The following XIRP2 variants were observed in gnomAD, a reference collection of about 807,000 sequenced individuals.
XIRP2 encodes xin actin-binding repeat-containing protein 2.
Under a neutral mutation model 277.0 loss-of-function variants are expected in XIRP2, and 236 were observed. The ratio of observed to expected loss-of-function variants is 0.85; its 90% CI spans 0.77 to 0.95. The LOEUF is 0.95. XIRP2 is among the 40% of genes least tolerant of loss of function. The probability of loss-of-function intolerance (pLI) is 0.00; values close to 1 mark genes in which losing one functional copy is unlikely to be tolerated. For missense variants in XIRP2, 4,640 were observed against 4,157.5 expected (o/e 1.12, Z -3.19); for synonymous variants, 1,490 against 1,416.5 (o/e 1.05, Z -1.17).
At chr2:166,925,219 G>A (rs1481379155) in intron 2 of XIRP2, among the ~76,000 whole-genome samples, 2 of 151,946 alleles carry the variant, frequency 1.3e-5, no homozygotes, top group Admixed American at 1.3e-4. Context: ...TAGTCATTTA[G>A]CTCTTAGTAT....
chr2:167,047,742 G>T (rs1012028126), intron 2 of XIRP2, among the ~76,000 whole-genome samples: 8 of 151,770 alleles, frequency 5.3e-5, no homozygotes, highest in Non-Finnish European at 1.2e-4. Flanking sequence ...CATTTATTTT[G>T]ATTTCTTTAT....
chr2:166,926,809 G>C (rs2105363953), intron 2 of XIRP2, among the ~76,000 whole-genome samples: 1 of 152,216 alleles, frequency 6.6e-6, no homozygotes, highest in Non-Finnish European at 1.5e-5. Context: ...TGTTTTTCAT[G>C]CTTAGAACAC....
At position 167,249,468 on chromosome 2, in the gene XIRP2, T is replaced by C; in HGVS notation, c.8076T>C (p.Tyr2692=). The C allele has an allele frequency of 6.2e-7, 1 of 1,613,812 alleles. No individual in the cohort carries two copies. The highest frequency in any genetic ancestry group is 8.5e-7 in the Non-Finnish European group (1 of 1,179,828). Reference sequence around the variant, plus strand: ...CCCAACAAACACAACAGAAGAAGTATTTGGAGCAGTTGCACTTGCCCCAAA... The same window carrying C: ...CCCAACAAACACAACAGAAGAAGTACTTGGAGCAGTTGCACTTGCCCCAAA... The part of the protein sequence containing the change: ...CSTQQTQQKK[Y]LEQLHLPQSK... Residue 2692 remains tyrosine (Y), a synonymous_variant, in exon 9 of 11, where the codon TAT becomes TAC. Transcript: ENST00000409195.
intron 2 of XIRP2, among the ~76,000 whole-genome samples, chr2:167,003,575 G>A (rs531602414): frequency 1.3e-5 from 2 of 151,960 alleles, no homozygotes; most frequent in South Asian, 4.1e-4. Flanking sequence ...TTAGGGAACA[G>A]CATGTAACTC....
intron 3 of XIRP2, among the ~76,000 whole-genome samples, chr2:167,168,053 C>G (rs76969319): frequency 0.012 from 1,876 of 152,238 alleles, 45 homozygotes; most frequent in African/African-American, 0.043. Flanking sequence ...TCACTTCACT[C>G]TCTTCTTGCT....
At chr2:167,073,360 T>G (rs1385349493) in intron 2 of XIRP2, among the ~76,000 whole-genome samples, 1 of 152,180 alleles carries the variant, frequency 6.6e-6, no homozygotes, top group East Asian at 1.9e-4. Context: ...ATGACTTGTT[T>G]TGTACTTTTT....
intron 2 of XIRP2, among the ~76,000 whole-genome samples, chr2:167,087,641 G>C (rs536022887): frequency 6.6e-6 from 1 of 152,210 alleles, no homozygotes; most frequent in Non-Finnish European, 1.5e-5. Flanking sequence ...ATATAATCTC[G>C]TGGTGTGCCG....
At chr2:167,117,397 G>T (rs1212917230) in intron 2 of XIRP2, among the ~76,000 whole-genome samples, 1 of 152,022 alleles carries the variant, frequency 6.6e-6, no homozygotes, top group East Asian at 1.9e-4. Flanking sequence ...TCCATTTAAA[G>T]GTGACTCAAA....
chr2:166,948,002 C>T (rs918720453), intron 2 of XIRP2, among the ~76,000 whole-genome samples: 1 of 152,064 alleles, frequency 6.6e-6, no homozygotes, highest in African/African-American at 2.4e-5. Context: ...GTGTGACATT[C>T]TGGAAAGAGC....
Position 167,250,066 on chromosome 2 carries a change from A to G in XIRP2, c.8674A>G (p.Ser2892Gly), listed in dbSNP as rs1450413490. Reference sequence around the variant, plus strand: ...TAAAAAATTGCCCCAGCCATATAATAGTCTGCAGGAAGAAAAATGTCTCGA... The same window carrying G: ...TAAAAAATTGCCCCAGCCATATAATGGTCTGCAGGAAGAAAAATGTCTCGA... ...EHKKLPQPYN[S>G]LQEEKCLEVK... The change falls in exon 9 of 11, where the codon AGT (serine) becomes GGT (glycine). Residue 2892 changes from serine to glycine, a missense_variant. Physicochemically the swap from Ser to Gly is moderately conservative, Grantham distance 56. Coordinates refer to ENST00000409195, the MANE Select transcript of XIRP2 (RefSeq NM_152381.6). 6.2e-7 allele frequency: 1 copy of G among 1,613,656 alleles called. No individual in the cohort carries two copies. Among genetic ancestry groups the G allele is most frequent in the Admixed American group, 1.7e-5 (1 of 59,970 alleles).
chr2:167,249,601 G>C lies in XIRP2; in HGVS notation c.8209G>C (p.Glu2737Gln). Residue 2737 changes from glutamate (E) to glutamine (Q), a missense_variant, in exon 9 of 11, where the codon GAG becomes CAG. Transcript: ENST00000409195. ...HSYESHKQQS[E>Q]IDVQTFTKKQ... ...CTATGAAAGTCATAAACAGCAATCT[G>C]AGATTGATGTTCAAACCTTTACCAA... The C allele has an allele frequency of 1.2e-6, 2 of 1,613,564 alleles. No individual in the cohort carries two copies. The highest frequency in any genetic ancestry group is 1.7e-6 in the Non-Finnish European group (2 of 1,179,778).
At chr2:166,955,670 A>C (rs1686143388) in intron 2 of XIRP2, among the ~76,000 whole-genome samples, 1 of 151,866 alleles carries the variant, frequency 6.6e-6, no homozygotes, top group Non-Finnish European at 1.5e-5. Flanking sequence ...GATATAGAGT[A>C]ATCATCTTTT....
chr2:167,183,459 G>A (rs1693073284), intron 3 of XIRP2, among the ~76,000 whole-genome samples: 1 of 152,076 alleles, frequency 6.6e-6, no homozygotes, highest in South Asian at 2.1e-4. Context: ...CCATACCCAT[G>A]CTTTCTATTG....
chr2:167,186,379 A>G (rs1371207423), intron 3 of XIRP2, among the ~76,000 whole-genome samples: 2 of 152,206 alleles, frequency 1.3e-5, no homozygotes, highest in African/African-American at 2.4e-5. Context: ...TATAGTAAAC[A>G]GCTTACAAAT....
At chr2:166,953,696 G>C (rs775739519) in intron 2 of XIRP2, among the ~76,000 whole-genome samples, 1 of 151,902 alleles carries the variant, frequency 6.6e-6, no homozygotes, top group Non-Finnish European at 1.5e-5. Flanking sequence ...TATAGGCTCT[G>C]AGGATGAGCT....
At chr2:167,082,719 T>C (rs576005372) in intron 2 of XIRP2, among the ~76,000 whole-genome samples, 1 of 152,220 alleles carries the variant, frequency 6.6e-6, no homozygotes, top group Non-Finnish European at 1.5e-5. Context: ...TTTCATGTGT[T>C]TTTTGGCTGC....
intron 2 of XIRP2, among the ~76,000 whole-genome samples, chr2:166,998,571 A>G (rs1002793561): frequency 3.9e-5 from 6 of 152,282 alleles, no homozygotes; most frequent in East Asian, 1.9e-4. Flanking sequence ...CAGGGGACGG[A>G]GCTTGCAGTG....
chr2:167,186,786 C>T (rs1487700381), intron 3 of XIRP2, among the ~76,000 whole-genome samples: 5 of 151,744 alleles, frequency 3.3e-5, no homozygotes, highest in Non-Finnish European at 7.4e-5. Context: ...TCTAGAATTC[C>T]TTTCCACCAT....
At chr2:167,006,785 T>C (rs552819611) in intron 2 of XIRP2, among the ~76,000 whole-genome samples, 1 of 151,836 alleles carries the variant, frequency 6.6e-6, no homozygotes, top group East Asian at 1.9e-4. Context: ...TTTCTTCTGA[T>C]TATAATATTT....
Sources: gnomAD v4.1 joint callset for allele counts (sites outside exome capture counted in the v4.1 genomes callset) on GRCh38, gnomAD v4.1.1 for gene constraint, MANE v1.5 for transcripts, NCBI Gene and HGNC (gene_info 2026-07-23, HGNC 2026-07-21) for gene names.